Variants in NCKAP5 observed in about 807,000 individuals in gnomAD.
The protein encoded by NCKAP5 is NCK associated protein 5, also known as nck-associated protein 5.
In NCKAP5, 92 loss-of-function variants were observed where a neutral mutation model predicts 167.0. The observed-to-expected ratio is 0.55, with a 90% confidence interval of 0.47 to 0.66. The LOEUF is 0.66. Among genes scored for constraint, NCKAP5 ranks in the 30% least tolerant of loss-of-function variants. NCKAP5 has a pLI of 0.00. For synonymous variants in NCKAP5, 891 were observed against 877.4 expected, an observed-to-expected ratio of 1.02 and a Z score of -0.27; for missense variants, 2,378 against 2,315.0, an observed-to-expected ratio of 1.03 and a Z score of -0.56.
the NCKAP5 span, among the ~76,000 whole-genome samples, chr2:133,593,523 AT>A: frequency 7.2e-4 from 109 of 152,138 alleles, no homozygotes; most frequent in East Asian, 3.7e-3. Flanking sequence ...TTAAAATTTT[AT>A]TTTTTTTAAG....
intron 6 of NCKAP5, among the ~76,000 whole-genome samples, chr2:133,043,149 C>A (rs566934188): frequency 6.6e-6 from 1 of 152,168 alleles, no homozygotes; most frequent in South Asian, 2.1e-4. Flanking sequence ...CATTTTATGC[C>A]ACAAATTATT....
chr2:133,143,816 T>C (rs895112690), intron 5 of NCKAP5, among the ~76,000 whole-genome samples: 16 of 151,808 alleles, frequency 1.1e-4, no homozygotes, highest in African/African-American at 3.6e-4. Flanking sequence ...CAACCAGATT[T>C]TTTTTTTTTA....
At position 132,950,807 on chromosome 2, in the gene NCKAP5, A is replaced by G. The variant is rs147464182; in HGVS notation, c.579+12913T>C. On this transcript the variant is annotated intron_variant, in intron 8 of 19. Coordinates refer to ENST00000409261, the MANE Select transcript of NCKAP5 (RefSeq NM_207363.3). ...CACTGTATGGGAGGCAGTCTCCTCT[A>G]AATGAATTCCTGATCATCTTAGTAT... Among the ~76,000 whole-genome samples, 72 of 152,334 alleles carry G rather than the reference A, an allele frequency of 4.7e-4. 1 individual carries two copies. Among genetic ancestry groups the G allele is most frequent in the African/African-American group, 1.7e-3 (70 of 41,582 alleles).
At chr2:133,292,868 T>A (rs1269346136) in intron 4 of NCKAP5, among the ~76,000 whole-genome samples, 1 of 152,236 alleles carries the variant, frequency 6.6e-6, no homozygotes, top group African/African-American at 2.4e-5. Flanking sequence ...TGACTCCATC[T>A]ATACAGTGGT....
intron 11 of NCKAP5, among the ~76,000 whole-genome samples, chr2:132,846,400 G>A (rs1688665065): frequency 6.6e-6 from 1 of 151,934 alleles, no homozygotes; most frequent in Non-Finnish European, 1.5e-5. Context: ...CGTCTCCTGG[G>A]TTCAAACGAT....
Position 132,943,476 on chromosome 2 carries a change from A to G in NCKAP5, c.579+20244T>C, listed in dbSNP as rs141407755. Among the ~76,000 whole-genome samples, 42 of 152,378 alleles carry G rather than the reference A, an allele frequency of 2.8e-4. 1 individual carries two copies. The East Asian group carries it at 6.2e-3, about 22-fold the overall frequency. On this transcript the variant is annotated intron_variant, in intron 8 of 19. Transcript: ENST00000409261. ...TTTCTGTATAGTGAGGAAGTGTGAT[A>G]ACATAGATGCAAAGAGCTGAGAGAA... is the stretch of plus-strand genomic sequence containing the variant.
At chr2:133,082,929 G>C (rs1190379589) in intron 6 of NCKAP5, among the ~76,000 whole-genome samples, 1 of 152,090 alleles carries the variant, frequency 6.6e-6, no homozygotes, top group Non-Finnish European at 1.5e-5. Flanking sequence ...GAGTTATTAT[G>C]CAAATGCCAC....
At chr2:133,068,929 G>A (rs2149543376) in intron 6 of NCKAP5, among the ~76,000 whole-genome samples, 1 of 152,300 alleles carries the variant, frequency 6.6e-6, no homozygotes, top group South Asian at 2.1e-4. Context: ...AAATATAAAT[G>A]TGAAACAAGG....
intron 4 of NCKAP5, among the ~76,000 whole-genome samples, chr2:133,217,186 T>C (rs2086465030): frequency 6.6e-6 from 1 of 152,156 alleles, no homozygotes; most frequent in Non-Finnish European, 1.5e-5. Flanking sequence ...CAGTTTAACA[T>C]GTTACAGAGA....
chr2:133,532,063 ATG>A (rs1400144333), intron 2 of NCKAP5, among the ~76,000 whole-genome samples: 1 of 152,150 alleles, frequency 6.6e-6, no homozygotes, highest in African/African-American at 2.4e-5. Flanking sequence ...GCACTGTTTT[ATG>A]TGTGTTTTAG....
chr2:133,243,806 CTTCT>C (rs2087843915), intron 4 of NCKAP5, among the ~76,000 whole-genome samples: 1 of 152,140 alleles, frequency 6.6e-6, no homozygotes, highest in South Asian at 2.1e-4. Flanking sequence ...ACAACGTTTG[CTTCT>C]TTCTCTTTCC....
intron 3 of NCKAP5, among the ~76,000 whole-genome samples, chr2:133,406,534 T>C (rs576143010): frequency 6.9e-6 from 1 of 144,830 alleles, no homozygotes; most frequent in East Asian, 2.0e-4. Context: ...CATTCATTCT[T>C]GATGTGGCAT....
At chr2:133,338,120 A>ATTTT (rs377397492) in intron 3 of NCKAP5, among the ~76,000 whole-genome samples, 1 of 149,770 alleles carries the variant, frequency 6.7e-6, no homozygotes. Flanking sequence ...GGTCTATTGC[A>ATTTT]TTTTTTTTTT....
intron 13 of NCKAP5, among the ~76,000 whole-genome samples, chr2:132,789,658 G>A (rs1297960556): frequency 6.6e-6 from 1 of 152,142 alleles, no homozygotes; most frequent in East Asian, 1.9e-4. Context: ...GTACAAAGAC[G>A]TCTGCTCAAA....
At chr2:133,185,606 A>T (rs554934193) in intron 5 of NCKAP5, among the ~76,000 whole-genome samples, 1 of 151,964 alleles carries the variant, frequency 6.6e-6, no homozygotes, top group South Asian at 2.1e-4. Flanking sequence ...AGCATAAAAT[A>T]TTTTTCCATA....
the NCKAP5 span, among the ~76,000 whole-genome samples, chr2:133,654,376 T>TTAAG: frequency 2.0e-5 from 2 of 98,104 alleles, no homozygotes; most frequent in East Asian, 5.0e-4. Context: ...AGACTCTATC[T>TTAAG]CAAATAAATA....
At chr2:132,763,880 C>A (rs1163503563) in intron 16 of NCKAP5, among the ~76,000 whole-genome samples, 1 of 152,128 alleles carries the variant, frequency 6.6e-6, no homozygotes, top group Non-Finnish European at 1.5e-5. Flanking sequence ...TCTTTGTATG[C>A]CCCGAAGCTG....
intron 18 of NCKAP5, among the ~76,000 whole-genome samples, chr2:132,726,375 A>C (rs1690456771): frequency 6.6e-6 from 1 of 152,118 alleles, no homozygotes; most frequent in Admixed American, 6.5e-5. Context: ...ACATCACCTG[A>C]CCCCATCCCC....
At chr2:133,149,457 C>T (rs926802847) in intron 5 of NCKAP5, among the ~76,000 whole-genome samples, 5 of 151,440 alleles carry the variant, frequency 3.3e-5, no homozygotes, top group Non-Finnish European at 5.9e-5. Context: ...CCCACCCCCA[C>T]CACACAAACA....
Sources: gnomAD v4.1 joint callset for allele counts (sites outside exome capture counted in the v4.1 genomes callset) on GRCh38, gnomAD v4.1.1 for gene constraint, MANE v1.5 for transcripts, NCBI Gene and HGNC (gene_info 2026-07-23, HGNC 2026-07-21) for gene names.